The following NEMF variants were observed in gnomAD, a reference collection of about 807,000 sequenced individuals.
The protein encoded by NEMF is ribosome quality control complex subunit NEMF.
NEMF carries 89 observed loss-of-function variants against 162.2 expected under a neutral mutation model. That is an observed-to-expected ratio of 0.55 (90% CI 0.46 to 0.65). The LOEUF (loss-of-function observed/expected upper bound fraction) is 0.65. Among genes scored for constraint, NEMF ranks in the 30% least tolerant of loss-of-function variants. The pLI, the probability that NEMF is intolerant of heterozygous loss-of-function variation, is 0.00. For synonymous variants in NEMF, 421 were observed against 404.5 expected, an observed-to-expected ratio of 1.04 and a Z score of -0.49; for missense variants, 1,133 against 1,261.9, an observed-to-expected ratio of 0.90 and a Z score of 1.55.
chr14:49,852,734 G>A lies in NEMF; in HGVS notation c.20C>T (p.Thr7Ile). ...CGCGAGTACGGCGCGGAGGTCAATG[G>A]TGCTAAAGCGGCTCTTCATGGCGAG... MKSRFS[T>I]IDLRAVLAEL... Residue 7 changes from threonine to isoleucine, a missense_variant, in exon 1 of 33, where the codon ACC becomes ATC. Thr to Ile is a moderately conservative substitution (Grantham distance 89). Around this residue, in one of 3 missense-constraint regions of NEMF, gnomAD observed 582 missense variants for 631.5 expected, o/e 0.92. Transcript: ENST00000298310. 6.2e-7 allele frequency: 1 copy of A among 1,614,236 alleles called. No homozygotes were observed. The highest frequency in any genetic ancestry group is 8.5e-7 in the Non-Finnish European group (1 of 1,180,048).
At chr14:49,803,021 T>C (rs951387872) in intron 20 of NEMF, among the ~76,000 whole-genome samples, 4 of 152,200 alleles carry the variant, frequency 2.6e-5, no homozygotes, top group African/African-American at 9.6e-5. Flanking sequence ...CTAAACTATG[T>C]GAAAGTGCAC....
intron 3 of NEMF, 139 bp downstream of exon 3, chr14:49,851,424 C>T: frequency 1.6e-6 from 1 of 613,242 alleles, no homozygotes. Flanking sequence ...TCACTTTATT[C>T]AACCCATTAT....
chr14:49,789,377 GTATT>G (rs1251091784), intron 27 of NEMF, 34 bp from the exon 28 acceptor site: 1 of 1,611,750 alleles, frequency 6.2e-7, no homozygotes, highest in Non-Finnish European at 8.5e-7. Flanking sequence ...AGTCAGTGTT[GTATT>G]TTCAATACTG....
chr14:49,782,354 T>C lies in NEMF; in HGVS notation c.*2282A>G. 6.3e-7 allele frequency: 1 copy of C among 1,590,292 alleles called. No individual in the cohort carries two copies. The highest frequency in any genetic ancestry group is 8.6e-7 in the Non-Finnish European group (1 of 1,165,194). ...TGTTCTGGGTGGCTTCAAACTCGTT[T>C]TTGTTTTAAATGCAGGTTATGGCAC... On this transcript the variant is annotated 3_prime_UTR_variant, in exon 33 of 33. Coordinates refer to ENST00000298310, the MANE Select transcript of NEMF (RefSeq NM_004713.6).
intron 7 of NEMF, 171 bp downstream of exon 7, chr14:49,834,192 G>A (rs1476354118): frequency 5.0e-6 from 3 of 599,512 alleles, no homozygotes; most frequent in African/African-American, 3.7e-5. Context: ...CCAGGCTTAA[G>A]TGATCCTCCC....
intron 25 of NEMF, among the ~76,000 whole-genome samples, chr14:49,797,785 G>T (rs1485192820): frequency 6.6e-6 from 1 of 152,116 alleles, no homozygotes; most frequent in Non-Finnish European, 1.5e-5. Flanking sequence ...TGTAATAAAA[G>T]GTCTTATTAG....
chr14:49,809,121 T>C (rs1294670717), intron 18 of NEMF, among the ~76,000 whole-genome samples: 1 of 152,090 alleles, frequency 6.6e-6, no homozygotes, highest in Non-Finnish European at 1.5e-5. Flanking sequence ...AGTCTGGTGG[T>C]TTCTTACAAA....
chr14:49,834,143 T>A (rs1399622659), intron 7 of NEMF: 1 of 590,510 alleles, frequency 1.7e-6, no homozygotes, highest in Non-Finnish European at 3.1e-6. Context: ...CAGGCTGGAG[T>A]GCAGCTGTGC....
At chr14:49,850,011 A>C (rs1293702460) in intron 3 of NEMF, among the ~76,000 whole-genome samples, 2 of 152,200 alleles carry the variant, frequency 1.3e-5, no homozygotes, top group Non-Finnish European at 2.9e-5. Flanking sequence ...AAATAACTCA[A>C]TGCCATAACA....
At chr14:49,831,278 T>C (rs1892621735) in intron 11 of NEMF, 21 bp downstream of exon 11, 3 of 1,370,068 alleles carry the variant, frequency 2.2e-6, no homozygotes, top group Non-Finnish European at 3.1e-6. Context: ...TGGTTTAATA[T>C]GTGTTTTTAA....
chr14:49,784,940 TAA>T lies in NEMF; in HGVS notation c.3136_3137del (p.Leu1046IlefsTer37). The T allele has an allele frequency of 6.2e-7, 1 of 1,613,800 alleles. No individual in the cohort carries two copies. On this transcript the variant is annotated frameshift_variant, in exon 32 of 33. Coordinates refer to ENST00000298310, the MANE Select transcript of NEMF (RefSeq NM_004713.6). LOFTEE classifies it high-confidence loss of function. ...AGAACTTTACCTTTACGCTGCGGAA[TAA>T]GTCTTTTTCTCTTGCTGTTGCTTCT... Reference protein sequence around the residue: ...SKEATAREKDLFRSVKDTDLS... With the variant: ...SKEATAREKDXFRSVKDTDLS...
chr14:49,832,929 A>G (rs1358548023), intron 8 of NEMF, among the ~76,000 whole-genome samples: 1 of 152,172 alleles, frequency 6.6e-6, no homozygotes, highest in African/African-American at 2.4e-5. Context: ...TCTATAAAAG[A>G]TAGGGAACAG....
intron 18 of NEMF, among the ~76,000 whole-genome samples, chr14:49,811,039 T>G (rs543847517): frequency 6.6e-6 from 1 of 152,182 alleles, no homozygotes; most frequent in Non-Finnish European, 1.5e-5. Flanking sequence ...AGTGAATTCC[T>G]AGATTACTGG....
intron 16 of NEMF, among the ~76,000 whole-genome samples, chr14:49,823,522 G>T (rs986583330): frequency 4.0e-5 from 6 of 151,876 alleles, no homozygotes; most frequent in African/African-American, 1.5e-4. Context: ...AAGATTTGGT[G>T]GAAGATAAAG....
Position 49,782,807 on chromosome 14 carries a change from T to C in NEMF, c.*1829A>G. On this transcript the variant is annotated 3_prime_UTR_variant, in exon 33 of 33. Coordinates refer to ENST00000298310, the MANE Select transcript of NEMF (RefSeq NM_004713.6). ...CCAAACAGTAAAGTGAAATTACTTT[T>C]CTCTTTCCTTGTCCACTTTCAGGCT... 1 of 1,605,338 alleles carries C rather than the reference T, an allele frequency of 6.2e-7. No individual in the cohort carries two copies. The highest frequency in any genetic ancestry group is 1.3e-5 in the African/African-American group (1 of 74,610).
At chr14:49,835,672 G>A (rs1221293578) in intron 6 of NEMF, among the ~76,000 whole-genome samples, 2 of 152,060 alleles carry the variant, frequency 1.3e-5, no homozygotes, top group Non-Finnish European at 2.9e-5. Context: ...AGCACAATAA[G>A]GCAAATTAAT....
At chr14:49,801,317 G>A (rs4900960) in intron 22 of NEMF, 147,020 of 152,174 alleles carry the variant, frequency 0.97, 71,242 homozygotes, top group Middle Eastern at 1. Flanking sequence ...GTGAAACCCC[G>A]TCTCTACTAA....
chr14:49,836,035 A>C lies in NEMF; in HGVS notation c.575-1586T>G, dbSNP rs554569734. 2.6e-5 allele frequency among the ~76,000 whole-genome samples: 4 copies of C among 152,312 alleles called. No homozygotes were observed. The East Asian group carries it at 5.8e-4, about 22-fold the overall frequency. ...CTCCCCAAACTGATCCACAGACTTA[A>C]TGTAATCCTTACCAGGCCAGGCAGT... is the stretch of plus-strand genomic sequence containing the variant. On this transcript the variant is annotated intron_variant, in intron 6 of 32. Coordinates refer to ENST00000298310, the MANE Select transcript of NEMF (RefSeq NM_004713.6).
chr14:49,822,071 C>T (rs1477478030), intron 16 of NEMF, among the ~76,000 whole-genome samples: 5 of 151,846 alleles, frequency 3.3e-5, no homozygotes, highest in African/African-American at 7.2e-5. Flanking sequence ...GGATTAAGGG[C>T]GGTGCAAGAT....
Sources: gnomAD v4.1 joint callset for allele counts (sites outside exome capture counted in the v4.1 genomes callset) on GRCh38, gnomAD v4.1.1 for gene constraint, gnomAD v4.1.1 regional missense constraint, MANE v1.5 for transcripts, NCBI Gene and HGNC (gene_info 2026-07-23, HGNC 2026-07-21) for gene names.